The following LRP3 variants were observed in gnomAD, a reference collection of about 807,000 sequenced individuals.
LRP3 encodes the protein LDL receptor related protein 3.
A neutral mutation model predicts 58.5 loss-of-function variants in LRP3; 49 were observed. The ratio of observed to expected loss-of-function variants is 0.84; its 90% confidence interval spans 0.67 to 1.06. The LOEUF (loss-of-function observed/expected upper bound fraction) is 1.06, where lower values mean the gene tolerates loss of function less well. Among genes scored for constraint, LRP3 ranks in the 50% least tolerant of loss-of-function variants. LRP3 has a pLI of 0.00. For missense variants in LRP3, 1,019 were observed against 1,134.2 expected, an observed-to-expected ratio of 0.90 and a Z score of 1.46; for synonymous variants, 485 against 492.2, an observed-to-expected ratio of 0.99 and a Z score of 0.20.
chr19:33,205,931 C>A lies in LRP3; in HGVS notation c.1161C>A (p.Gly387=). The A allele has an allele frequency of 6.3e-7, 1 of 1,598,026 alleles. No homozygotes were observed. Among genetic ancestry groups the A allele is most frequent in the Non-Finnish European group, 8.5e-7 (1 of 1,172,120 alleles). Residue 387 remains glycine, a synonymous_variant, in exon 5 of 7, where the codon GGC becomes GGA. Coordinates refer to ENST00000253193, the MANE Select transcript of LRP3 (RefSeq NM_002333.4). ...SSSDSDGGSL[G]DQGCFSEPQR... ...GTGACAGTGACGGGGGCAGCCTGGG[C>A]GACCAGGGCTGCTTCTCAGAGCCAC...
Position 33,194,702 on chromosome 19 carries a change from C to T in LRP3, c.-84C>T. 1 of 372,882 alleles carries T rather than the reference C, an allele frequency of 2.7e-6. No individual in the cohort carries two copies. Among genetic ancestry groups the T allele is most frequent in the Non-Finnish European group, 3.7e-6 (1 of 270,094 alleles). 23.1% of individuals were successfully genotyped at this position (372,882 alleles called of 1,614,324 possible). A position where few individuals can be genotyped will look rare whatever the true frequency, so the allele number is the denominator to read the frequency against. ...GCCCGAGCCCGAGCCCGAGCCGCAG[C>T]CAGAGCCAGAGCCGGAGCCGCAGCC... is the stretch of plus-strand genomic sequence containing the variant. On this transcript the variant is annotated 5_prime_UTR_variant, in exon 1 of 7. Transcript: ENST00000253193.
At position 33,206,864 on chromosome 19, in the gene LRP3, G is replaced by C. The variant is rs550982610; in HGVS notation, c.1726-124G>C. 264 of 1,228,952 alleles carry C rather than the reference G, an allele frequency of 2.1e-4. No homozygotes were observed. The South Asian group carries it at 2.2e-3, about 10-fold the overall frequency. 76.1% of individuals were successfully genotyped at this position (1,228,952 alleles called of 1,614,324 possible). A position where few individuals can be genotyped will look rare whatever the true frequency, so the allele number is the denominator to read the frequency against. On this transcript the variant is annotated intron_variant, in intron 6 of 6. Transcript: ENST00000253193. ...GACCTGAGGGCCCATGGCCAGGTGG[G>C]GGGGGTGGACAAGGTGGTCTCTCGG...
intron 2 of LRP3, among the ~76,000 whole-genome samples, chr19:33,202,466 C>T (rs927992449): frequency 3.9e-5 from 6 of 152,170 alleles, no homozygotes; most frequent in Admixed American, 1.3e-4. Context: ...TGGGCTATGC[C>T]GGCTGGGCAG....
intron 4 of LRP3, 28 bp downstream of exon 4, chr19:33,204,880 C>T (rs1302867300): frequency 1.3e-6 from 2 of 1,598,006 alleles, no homozygotes; most frequent in East Asian, 2.2e-5. Flanking sequence ...GCAGGCAGGA[C>T]ACCACGGAGC....
At chr19:33,204,017 A>G (rs1248438491) in intron 3 of LRP3, 2 of 152,418 alleles carry the variant, frequency 1.3e-5, no homozygotes, top group East Asian at 3.9e-4. Context: ...AAAAAGCGCA[A>G]CCCCTGACTT....
chr19:33,205,337 C>T lies in LRP3; in HGVS notation c.567C>T (p.Asp189=), dbSNP rs777254219. 48 of 1,610,812 alleles carry T rather than the reference C, an allele frequency of 3.0e-5. No homozygotes were observed. Among genetic ancestry groups the T allele is most frequent in the Non-Finnish European group, 3.8e-5 (45 of 1,178,814 alleles). Residue 189 remains aspartate (D), a synonymous_variant, in exon 5 of 7, where the codon GAC becomes GAT. Coordinates refer to ENST00000253193, the MANE Select transcript of LRP3 (RefSeq NM_002333.4). ...GCCCGTGGCAGTGCAACACGGTGGA[C>T]GAGTGTGGAGACGGCTCTGATGAGG... ...LPGPWQCNTV[D]ECGDGSDEGN... is the part of the protein sequence containing the mutation.
Position 33,205,380 on chromosome 19 carries a change from G to A in LRP3, c.610G>A (p.Ala204Thr), listed in dbSNP as rs773402081. The change falls in exon 5 of 7, where the codon GCC becomes ACC. Residue 204 changes from alanine (A) to threonine (T), a missense_variant. Around this residue, in one of 2 missense-constraint regions of LRP3, gnomAD observed 592 missense variants for 725.5 expected, o/e 0.82. Transcript: ENST00000253193. ...GSDEGNCSAP[A>T]SEPPGSLCPG... is the part of the protein sequence containing the mutation. ...TGATGAGGGCAACTGCTCGGCGCCCGCCTCCGAGCCTCCAGGCAGCCTGTG... is the reference window on the plus strand; with the variant it reads ...TGATGAGGGCAACTGCTCGGCGCCCACCTCCGAGCCTCCAGGCAGCCTGTG... 7 of 1,595,890 alleles carry A rather than the reference G, an allele frequency of 4.4e-6. No homozygotes were observed. The highest frequency in any genetic ancestry group is 4.5e-5 in the East Asian group (2 of 44,452).
In LRP3 at chr19:33,205,532, C is replaced by T. The variant is rs753835160; in HGVS notation, c.762C>T (p.Cys254=). The change falls in exon 5 of 7, where the codon TGC becomes TGT. Residue 254 remains cysteine, a synonymous_variant. Coordinates refer to ENST00000253193, the MANE Select transcript of LRP3 (RefSeq NM_002333.4). ...SDEAGCPDLA[C]GRRLGSFYGS... ...AGGCGGGCTGCCCCGACCTGGCGTG[C>T]GGCCGGCGGCTGGGCAGCTTCTACG... The T allele has an allele frequency of 2.1e-5, 33 of 1,571,560 alleles. No homozygotes were observed. The highest frequency in any genetic ancestry group is 7.0e-5 in the South Asian group (6 of 85,972).
chr19:33,205,924 G>A lies in LRP3; in HGVS notation c.1154G>A (p.Ser385Asn), dbSNP rs149467679. The change falls in exon 5 of 7, where the codon AGC (serine) becomes AAC (asparagine). Residue 385 changes from serine (S) to asparagine (N), a missense_variant. Physicochemically the swap from Ser to Asn is conservative, Grantham distance 46. This residue lies in a region of LRP3 where 592 missense variants were observed against 725.5 expected (regional missense o/e 0.82). Coordinates refer to ENST00000253193, the MANE Select transcript of LRP3 (RefSeq NM_002333.4). ...AGCAGTAGTGACAGTGACGGGGGCA[G>A]CCTGGGCGACCAGGGCTGCTTCTCA... Reference protein sequence around the residue: ...CGSSSDSDGGSLGDQGCFSEP... With the variant: ...CGSSSDSDGGNLGDQGCFSEP... 8.1e-6 allele frequency: 13 copies of A among 1,601,810 alleles called. No individual in the cohort carries two copies. Among genetic ancestry groups the A allele is most frequent in the Non-Finnish European group, 1.1e-5 (13 of 1,174,080 alleles).
rs762664449 is a variant in LRP3 at position 33,206,105 on chromosome 19, C to T, written c.1335C>T (p.Asp445=). Reference sequence around the variant, plus strand: ...GCAACAACCAGAAAAGCTGTCCCGACGGCGCCGACGAGAAGAACTGCTTCT... The same window carrying T: ...GCAACAACCAGAAAAGCTGTCCCGATGGCGCCGACGAGAAGAACTGCTTCT... The part of the protein sequence containing the change: ...DRCNNQKSCP[D]GADEKNCFSC... The change falls in exon 5 of 7, where the codon GAC becomes GAT. Residue 445 remains aspartate, a synonymous_variant. Coordinates refer to ENST00000253193, the MANE Select transcript of LRP3 (RefSeq NM_002333.4). 3.2e-5 allele frequency: 52 copies of T among 1,609,408 alleles called. No homozygotes were observed. In the Middle Eastern group the frequency reaches 9.9e-4, roughly 31 times the overall value.
At position 33,207,464 on chromosome 19, in the gene LRP3, C is replaced by G; in HGVS notation, c.2202C>G (p.Ser734Arg). ...CGCACCCCCAGGTCTCCACTGCCAG[C>G]AGCACCCTGGGCCCCCACTCGCCAG... ...QDPHPQVSTA[S>R]STLGPHSPEP... The change falls in exon 7 of 7, where the codon AGC becomes AGG. Residue 734 changes from serine to arginine, a missense_variant. Coordinates refer to ENST00000253193, the MANE Select transcript of LRP3 (RefSeq NM_002333.4). 2.5e-6 allele frequency: 4 copies of G among 1,599,358 alleles called. No individual in the cohort carries two copies. Among genetic ancestry groups the G allele is most frequent in the Non-Finnish European group, 3.4e-6 (4 of 1,176,652 alleles).
intron 2 of LRP3, among the ~76,000 whole-genome samples, chr19:33,198,722 C>T (rs1187186899): frequency 6.6e-6 from 1 of 152,218 alleles, no homozygotes; most frequent in Non-Finnish European, 1.5e-5. Flanking sequence ...CCTGCATCCC[C>T]CCAGCCTCTG....
Position 33,207,629 on chromosome 19 carries a change from C to T in LRP3, c.*54C>T. The T allele has an allele frequency of 7.5e-7, 1 of 1,334,334 alleles. No homozygotes were observed. Among genetic ancestry groups the T allele is most frequent in the Non-Finnish European group, 1.1e-6 (1 of 947,318 alleles). 82.7% of individuals were successfully genotyped at this position (1,334,334 alleles called of 1,614,324 possible). A position where few individuals can be genotyped will look rare whatever the true frequency, so the allele number is the denominator to read the frequency against. On this transcript the variant is annotated 3_prime_UTR_variant, in exon 7 of 7. Transcript: ENST00000253193. ...CCCCGCTTTGTAACCAGGGAATACA[C>T]AGTCATTTCTACCCTGCCTCTGCGT...
Position 33,206,912 on chromosome 19 carries a change from G to GCTGT in LRP3, c.1726-73_1726-70dup, listed in dbSNP as rs1361234160. On this transcript the variant is annotated intron_variant, in intron 6 of 6. Coordinates refer to ENST00000253193, the MANE Select transcript of LRP3 (RefSeq NM_002333.4). ...CGGGTCTCAGGTCCCTTGGGGGTGT[G>GCTGT]CTGTCTCCTGCCCCTGAGCAGCCTG... The GCTGT allele has an allele frequency of 4.0e-6, 5 of 1,240,268 alleles. No homozygotes were observed. The East Asian group carries it at 1.3e-4, about 33-fold the overall frequency. The allele number at this position is 1,240,268 out of a possible 1,614,324, so 76.8% of individuals were successfully genotyped here. A position where few individuals can be genotyped will look rare whatever the true frequency, so the allele number is the denominator to read the frequency against.
At position 33,194,662 on chromosome 19, in the gene LRP3, GGAGCCCGAGCCCTAGCCC is replaced by G. The variant is rs1222975575; in HGVS notation, c.-111_-94del. 41 of 191,410 alleles carry G rather than the reference GGAGCCCGAGCCCTAGCCC, an allele frequency of 2.1e-4. No individual in the cohort carries two copies. In the East Asian group the frequency reaches 6.2e-3, roughly 29 times the overall value. 11.9% of individuals were successfully genotyped at this position (191,410 alleles called of 1,614,324 possible). A position where few individuals can be genotyped will look rare whatever the true frequency, so the allele number is the denominator to read the frequency against. On this transcript the variant is annotated 5_prime_UTR_variant, in exon 1 of 7. Coordinates refer to ENST00000253193, the MANE Select transcript of LRP3 (RefSeq NM_002333.4). ...CCGGGCCGCAGCAGCCACGCCAGCC[GGAGCCCGAGCCCTAGCCC>G]GAGCCCGAGCCCGAGCCGCAGCCAG...
chr19:33,205,933 A>C lies in LRP3; in HGVS notation c.1163A>C (p.Asp388Ala), dbSNP rs1368309763. 7 of 1,598,160 alleles carry C rather than the reference A, an allele frequency of 4.4e-6. No individual in the cohort carries two copies. The highest frequency in any genetic ancestry group is 5.1e-6 in the Non-Finnish European group (6 of 1,172,382). ...GACAGTGACGGGGGCAGCCTGGGCG[A>C]CCAGGGCTGCTTCTCAGAGCCACAG... is the stretch of plus-strand genomic sequence containing the variant. ...SSDSDGGSLGDQGCFSEPQRC... is the reference protein window; with the variant it reads ...SSDSDGGSLGAQGCFSEPQRC... The change falls in exon 5 of 7, where the codon GAC (aspartate) becomes GCC (alanine). Residue 388 changes from aspartate (D) to alanine (A), a missense_variant. Around this residue, in one of 2 missense-constraint regions of LRP3, gnomAD observed 592 missense variants for 725.5 expected, o/e 0.82. Transcript: ENST00000253193.
intron 2 of LRP3, among the ~76,000 whole-genome samples, chr19:33,197,161 T>C (rs1361036772): frequency 6.6e-6 from 1 of 152,124 alleles, no homozygotes; most frequent in Non-Finnish European, 1.5e-5. Context: ...GGAGTATGAC[T>C]GAGGGGTGAC....
chr19:33,206,096 C>G lies in LRP3; in HGVS notation c.1326C>G (p.Ser442Arg). Residue 442 changes from serine (S) to arginine (R), a missense_variant, in exon 5 of 7, where the codon AGC (serine) becomes AGG (arginine). Physicochemically the swap from Ser to Arg is moderately radical, Grantham distance 110. Around this residue, in one of 2 missense-constraint regions of LRP3, gnomAD observed 592 missense variants for 725.5 expected, o/e 0.82. Coordinates refer to ENST00000253193, the MANE Select transcript of LRP3 (RefSeq NM_002333.4). ...TPADRCNNQK[S>R]CPDGADEKNC... ...CCGACCGCTGCAACAACCAGAAAAGCTGTCCCGACGGCGCCGACGAGAAGA... is the reference window on the plus strand; with the variant it reads ...CCGACCGCTGCAACAACCAGAAAAGGTGTCCCGACGGCGCCGACGAGAAGA... The G allele has an allele frequency of 6.2e-7, 1 of 1,609,662 alleles. No individual in the cohort carries two copies. The highest frequency in any genetic ancestry group is 8.5e-7 in the Non-Finnish European group (1 of 1,178,934).
Position 33,206,554 on chromosome 19 carries a change from A to G in LRP3, c.1593-47A>G, listed in dbSNP as rs752014514. ...GGAATCCTGTTGTTGTTCCTGCTGC[A>G]GGTCCCGGGCAGCCCAGTCATGTCG... On this transcript the variant is annotated intron_variant, in intron 5 of 6. Transcript: ENST00000253193. The G allele has an allele frequency of 3.0e-5, 47 of 1,592,896 alleles. No homozygotes were observed. In the East Asian group the frequency reaches 1.0e-3, roughly 34 times the overall value.
Sources: gnomAD v4.1 joint callset for allele counts (sites outside exome capture counted in the v4.1 genomes callset) on GRCh38, gnomAD v4.1.1 for gene constraint, gnomAD v4.1.1 regional missense constraint, MANE v1.5 for transcripts, NCBI Gene and HGNC (gene_info 2026-07-23, HGNC 2026-07-21) for gene names.